The following GRM8 variants were observed in gnomAD, a reference collection of about 807,000 sequenced individuals.
GRM8 encodes metabotropic glutamate receptor 8.
GRM8 carries 47 observed loss-of-function variants against 87.2 expected under a neutral mutation model. The ratio of observed to expected loss-of-function variants is 0.54; its 90% CI spans 0.43 to 0.69. The LOEUF (loss-of-function observed/expected upper bound fraction) is 0.69, where lower values mean the gene tolerates loss of function less well. Ranked by LOEUF, GRM8 falls within the 30% of genes least tolerant of loss-of-function variation. The pLI, the probability that GRM8 is intolerant of heterozygous loss-of-function variation, is 0.00. For missense variants in GRM8, 1,019 were observed against 1,139.2 expected (o/e 0.89, Z 1.52); for synonymous variants, 396 against 404.5 (o/e 0.98, Z 0.25).
rs187822467 is a variant in GRM8 at position 126,602,313 on chromosome 7, C to A, written c.1494+7049G>T. Among the ~76,000 whole-genome samples the A allele has an allele frequency of 6.4e-3, 933 of 145,780 alleles. 7 individuals carry two copies. Among genetic ancestry groups the A allele is most frequent in the Middle Eastern group, 0.017 (5 of 290 alleles). On this transcript the variant is annotated intron_variant, in intron 8 of 10. Transcript: ENST00000339582. ...CTATATCTCTGTTTTGGTAGCAGTA[C>A]CATGCTGTTTTGGTTACTGTAGCCT...
chr7:127,161,944 T>C (rs948833843), intron 2 of GRM8, among the ~76,000 whole-genome samples: 2 of 152,166 alleles, frequency 1.3e-5, no homozygotes, highest in Non-Finnish European at 2.9e-5. Flanking sequence ...AGGTAAATTA[T>C]AACTCAGTAC....
chr7:126,648,429 G>C (rs935264799), intron 7 of GRM8, among the ~76,000 whole-genome samples: 1 of 152,158 alleles, frequency 6.6e-6, no homozygotes, highest in Non-Finnish European at 1.5e-5. Context: ...CAGGTACACA[G>C]AGTTGCTGTT....
chr7:126,716,389 GA>G (rs559664483), intron 7 of GRM8, among the ~76,000 whole-genome samples: 4,878 of 141,096 alleles, frequency 0.035, 225 homozygotes, highest in African/African-American at 0.11. Flanking sequence ...TTTCTCTACA[GA>G]AAAAAAAAAA....
intron 3 of GRM8, among the ~76,000 whole-genome samples, chr7:127,056,558 G>C (rs2188187): frequency 0.25 from 38,605 of 152,116 alleles, 5,850 homozygotes; most frequent in Non-Finnish European, 0.36. Flanking sequence ...CTGGAGACTG[G>C]CACATAATGG....
At chr7:126,802,087 G>T (rs1298608656) in intron 6 of GRM8, among the ~76,000 whole-genome samples, 1 of 152,072 alleles carries the variant, frequency 6.6e-6, no homozygotes, top group Non-Finnish European at 1.5e-5. Context: ...TATTTATGGT[G>T]TACAAAATGA....
chr7:126,967,179 G>A lies in GRM8; in HGVS notation c.728-62496C>T, dbSNP rs2131733886. ...TCTGTGTGTGTGTTTGTGTGTGTGT[G>A]TGTACACCTTTCTCCCTTTATATAT... On this transcript the variant is annotated intron_variant, in intron 3 of 10. Transcript: ENST00000339582. Among the ~76,000 whole-genome samples the A allele has an allele frequency of 2.0e-5, 3 of 152,258 alleles. No homozygotes were observed. The South Asian group carries it at 6.2e-4, about 32-fold the overall frequency.
At chr7:126,583,018 A>G (rs1265459533) in intron 8 of GRM8, among the ~76,000 whole-genome samples, 2 of 152,178 alleles carry the variant, frequency 1.3e-5, no homozygotes, top group Non-Finnish European at 2.9e-5. Context: ...TCTGTAGGCC[A>G]AATATCAAGG....
At chr7:126,695,913 G>A (rs975229354) in intron 7 of GRM8, among the ~76,000 whole-genome samples, 1 of 152,158 alleles carries the variant, frequency 6.6e-6, no homozygotes, top group Non-Finnish European at 1.5e-5. Flanking sequence ...AGTAGAGAGA[G>A]TGTTTCTGAA....
At position 127,027,206 on chromosome 7, in the gene GRM8, G is replaced by A. The variant is rs1042227502; in HGVS notation, c.727+79290C>T. Among the ~76,000 whole-genome samples, 5 of 152,098 alleles carry A rather than the reference G, an allele frequency of 3.3e-5. No individual in the cohort carries two copies. The South Asian group carries it at 8.3e-4, about 25-fold the overall frequency. On this transcript the variant is annotated intron_variant, in intron 3 of 10. Transcript: ENST00000339582. ...CCCATTGGTCTATATATCTGTTTTGGTACCAGTACCATGCTGTTTTGGTTA... is the reference window on the plus strand; with the variant it reads ...CCCATTGGTCTATATATCTGTTTTGATACCAGTACCATGCTGTTTTGGTTA...
At chr7:127,046,819 CATG>C (rs1376089674) in intron 3 of GRM8, among the ~76,000 whole-genome samples, 1 of 152,108 alleles carries the variant, frequency 6.6e-6, no homozygotes, top group Non-Finnish European at 1.5e-5. Flanking sequence ...CTAACAATAT[CATG>C]ATAAATGGAA....
intron 2 of GRM8, among the ~76,000 whole-genome samples, chr7:127,197,879 T>C (rs1473792619): frequency 6.6e-6 from 1 of 152,126 alleles, no homozygotes; most frequent in Non-Finnish European, 1.5e-5. Context: ...CTCCTCTGGG[T>C]GATAATACAT....
At chr7:126,896,776 T>C (rs1169633582) in intron 6 of GRM8, among the ~76,000 whole-genome samples, 1 of 152,128 alleles carries the variant, frequency 6.6e-6, no homozygotes, top group Non-Finnish European at 1.5e-5. Context: ...CAATAGGCCA[T>C]TTTGCATAGC....
chr7:127,008,708 G>T (rs1284320517), intron 3 of GRM8, among the ~76,000 whole-genome samples: 1 of 151,866 alleles, frequency 6.6e-6, no homozygotes, highest in Non-Finnish European at 1.5e-5. Flanking sequence ...ATATTCAAAA[G>T]TTCCATGGCC....
At chr7:126,491,773 T>C (rs978240948) in intron 9 of GRM8, among the ~76,000 whole-genome samples, 3 of 152,098 alleles carry the variant, frequency 2.0e-5, no homozygotes, top group African/African-American at 4.8e-5. Context: ...GAAATAACTT[T>C]AGCAATATAA....
chr7:127,161,345 G>A (rs1793104409), intron 2 of GRM8, among the ~76,000 whole-genome samples: 2 of 152,102 alleles, frequency 1.3e-5, no homozygotes, highest in Non-Finnish European at 2.9e-5. Context: ...GAGATAGGGA[G>A]GTCCAGGCTC....
chr7:127,133,507 C>T (rs1184945885), intron 2 of GRM8, among the ~76,000 whole-genome samples: 1 of 151,616 alleles, frequency 6.6e-6, no homozygotes, highest in Admixed American at 6.6e-5. Flanking sequence ...GAGATCGAGA[C>T]CATCCTGGCT....
chr7:126,996,623 C>T (rs1320397315), intron 3 of GRM8, among the ~76,000 whole-genome samples: 1 of 151,482 alleles, frequency 6.6e-6, no homozygotes, highest in Non-Finnish European at 1.5e-5. Context: ...GCAATGTAAA[C>T]CAAAAAAGAA....
At chr7:126,721,623 ATTCT>A (rs1457168408) in intron 7 of GRM8, among the ~76,000 whole-genome samples, 1 of 151,938 alleles carries the variant, frequency 6.6e-6, no homozygotes, top group Non-Finnish European at 1.5e-5. Context: ...TCTTCCTTTC[ATTCT>A]TTCTTTACCT....
chr7:126,481,120 GT>G, intron 9 of GRM8, among the ~76,000 whole-genome samples: 1 of 152,162 alleles, frequency 6.6e-6, no homozygotes, highest in Admixed American at 6.6e-5. Context: ...AAATACTTAT[GT>G]GTCCAAACTG....
Sources: gnomAD v4.1 joint callset for allele counts (sites outside exome capture counted in the v4.1 genomes callset) on GRCh38, gnomAD v4.1.1 for gene constraint, MANE v1.5 for transcripts, NCBI Gene and HGNC (gene_info 2026-07-23, HGNC 2026-07-21) for gene names.